The following PTK2B variants were observed in gnomAD, a reference collection of about 807,000 sequenced individuals.
PTK2B encodes the protein protein-tyrosine kinase 2-beta.
PTK2B carries 71 observed loss-of-function variants against 142.9 expected under a neutral mutation model. The observed-to-expected ratio is 0.50, with a 90% confidence interval of 0.41 to 0.61. PTK2B has a LOEUF of 0.61. Among genes scored for constraint, PTK2B ranks in the 20% least tolerant of loss-of-function variants. The probability of loss-of-function intolerance (pLI) is 0.00; values close to 1 mark genes in which losing one functional copy is unlikely to be tolerated. For synonymous variants in PTK2B, 519 were observed against 503.4 expected (o/e 1.03, Z -0.42); for missense variants, 1,105 against 1,320.4 (o/e 0.84, Z 2.53).
chr8:27,419,816 A>T, intron 2 of PTK2B, 79 bp from the exon 3 acceptor site: 1 of 1,485,106 alleles, frequency 6.7e-7, no homozygotes, highest in South Asian at 1.2e-5. Flanking sequence ...AGAGAATCCC[A>T]CTTTTCAGGT....
intron 1 of PTK2B, chr8:27,380,722 C>T (rs529185006): frequency 1.3e-5 from 2 of 152,328 alleles, no homozygotes; most frequent in Non-Finnish European, 2.9e-5. Flanking sequence ...TGCCGAGCTC[C>T]GCCCTGGGAG....
chr8:27,311,065 G>A (rs773189393), upstream of PTK2B: 46 of 1,596,680 alleles, frequency 2.9e-5, no homozygotes, highest in Non-Finnish European at 3.6e-5. Context: ...TGCACACTGG[G>A]CAGGTGGGCG....
chr8:27,334,743 C>T (rs983147439), intron 1 of PTK2B, among the ~76,000 whole-genome samples: 4 of 152,152 alleles, frequency 2.6e-5, no homozygotes, highest in South Asian at 4.1e-4. Flanking sequence ...CCTCATTCCC[C>T]GCAGTGGGTG....
Position 27,442,993 on chromosome 8 carries a change from G to A in PTK2B, c.2148+10G>A, listed in dbSNP as rs151091633. 4.0e-4 allele frequency: 637 copies of A among 1,603,462 alleles called. 3 individuals are homozygous for A. In the African/African-American group the frequency reaches 7.7e-3, roughly 19 times the overall value. ...GGAACCCCCACCCAAGGTAAGCCAA[G>A]CCATGGCCTCATAAGTCCTGTGAGT... On this transcript the variant is annotated intron_variant, in intron 22 of 30. Transcript: ENST00000346049.
Position 27,440,295 on chromosome 8 carries a change from C to G in PTK2B, c.1893C>G (p.Asn631Lys). 6.2e-7 allele frequency: 1 copy of G among 1,614,184 alleles called. No individual in the cohort carries two copies. Among genetic ancestry groups the G allele is most frequent in the Non-Finnish European group, 8.5e-7 (1 of 1,180,028 alleles). The change falls in exon 21 of 31, where the codon AAC (asparagine) becomes AAG (lysine). Residue 631 changes from asparagine (N) to lysine (K), a missense_variant. Asn to Lys is a moderately conservative substitution (Grantham distance 94, BLOSUM62 0). Transcript: ENST00000346049. Reference protein sequence around the residue: ...FGKQPFFWLENKDVIGVLEKG... With the variant: ...FGKQPFFWLEKKDVIGVLEKG... ...AGCAGCCCTTCTTCTGGCTGGAGAA[C>G]AAGGATGTCATCGGGGTGCTGGAGA... is the stretch of plus-strand genomic sequence containing the variant.
intron 1 of PTK2B, among the ~76,000 whole-genome samples, chr8:27,343,144 T>C (rs1035478505): frequency 6.6e-6 from 1 of 152,234 alleles, no homozygotes; most frequent in South Asian, 2.1e-4. Context: ...GCAACAAATA[T>C]GCGGGCTTTG....
intron 2 of PTK2B, among the ~76,000 whole-genome samples, chr8:27,412,891 G>A (rs1013426809): frequency 6.6e-6 from 1 of 152,172 alleles, no homozygotes; most frequent in African/African-American, 2.4e-5. Context: ...CTATGGGTAG[G>A]GGAGAAGGTG....
intron 24 of PTK2B, among the ~76,000 whole-genome samples, chr8:27,446,983 A>C (rs1280213846): frequency 6.6e-6 from 1 of 152,242 alleles, no homozygotes; most frequent in Non-Finnish European, 1.5e-5. Context: ...CTACATTTTT[A>C]GGCATGTGCT....
upstream of PTK2B, among the ~76,000 whole-genome samples, chr8:27,321,102 C>G (rs547499526): frequency 6.8e-6 from 1 of 147,084 alleles, no homozygotes; most frequent in East Asian, 2.0e-4. Flanking sequence ...TCAAGCAATC[C>G]TCTTGCATCA....
intron 2 of PTK2B, among the ~76,000 whole-genome samples, chr8:27,411,613 C>T (rs1563262891): frequency 6.6e-6 from 1 of 152,162 alleles, no homozygotes; most frequent in Non-Finnish European, 1.5e-5. Context: ...ATTGGAAGTA[C>T]ATGTCAAAAT....
chr8:27,391,176 A>G (rs1184351470), intron 1 of PTK2B, among the ~76,000 whole-genome samples: 1 of 151,692 alleles, frequency 6.6e-6, no homozygotes, highest in Admixed American at 6.6e-5. Context: ...GGCTCACTGC[A>G]AGCTCCGTCT....
At chr8:27,437,654 G>A (rs894114863) in intron 17 of PTK2B, 111 bp from the exon 18 acceptor site, 4 of 1,275,676 alleles carry the variant, frequency 3.1e-6, no homozygotes, top group African/African-American at 1.5e-5. Flanking sequence ...CCAGCTTTGG[G>A]TTTGTCTCCC....
At position 27,420,036 on chromosome 8, in the gene PTK2B, G is replaced by T. The variant is rs200325494; in HGVS notation, c.346G>T (p.Asp116Tyr). The change falls in exon 3 of 31, where the codon GAC (aspartate) becomes TAC (tyrosine). Residue 116 changes from aspartate to tyrosine, a missense_variant. Asp to Tyr is a radical substitution (Grantham distance 160). Transcript: ENST00000346049. Reference protein sequence around the residue: ...HPQMTVGEVQDKYECLHVEAE... With the variant: ...HPQMTVGEVQYKYECLHVEAE... ...ACAGATGACGGTGGGTGAGGTGCAG[G>T]ACAAGTATGAGTGTCTGCACGTGGA... The T allele has an allele frequency of 8.5e-5, 137 of 1,614,196 alleles. No individual in the cohort carries two copies. The East Asian group carries it at 2.7e-3, about 31-fold the overall frequency.
At chr8:27,432,680 C>T (rs148470544) in intron 10 of PTK2B, among the ~76,000 whole-genome samples, 126 of 152,204 alleles carry the variant, frequency 8.3e-4, no homozygotes, top group African/African-American at 2.3e-3. Context: ...AACAAGGATG[C>T]GGACATCAAG....
chr8:27,454,403 G>T, intron 29 of PTK2B, 112 bp downstream of exon 29: 7 of 1,555,478 alleles, frequency 4.5e-6, no homozygotes, highest in Non-Finnish European at 6.1e-6. Context: ...AGCAAGCTGG[G>T]CCAGGGGAAT....
At chr8:27,400,812 C>T (rs980210545) in intron 2 of PTK2B, among the ~76,000 whole-genome samples, 1 of 152,062 alleles carries the variant, frequency 6.6e-6, no homozygotes, top group African/African-American at 2.4e-5. Flanking sequence ...GTCTGGAGCT[C>T]AGGAGGGAGA....
At chr8:27,351,590 C>CA (rs1394528266) in intron 1 of PTK2B, among the ~76,000 whole-genome samples, 3 of 151,350 alleles carry the variant, frequency 2.0e-5, no homozygotes, top group Admixed American at 1.3e-4. Context: ...TATCCTTTAC[C>CA]AAAAAAAATA....
Position 27,434,109 on chromosome 8 carries a change from C to T in PTK2B, c.1122C>T (p.Asn374=), listed in dbSNP as rs900060987. 5.0e-6 allele frequency: 8 copies of T among 1,614,142 alleles called. No individual in the cohort carries two copies. The highest frequency in any genetic ancestry group is 5.9e-6 in the Non-Finnish European group (7 of 1,179,990). ...IHPRKDGEKR[N]SLPQIPMLNL... is the part of the protein sequence containing the mutation. The stretch of plus-strand genomic sequence containing the variant: ...TCTTCCTAGATGGTGAGAAGCGGAA[C>T]AGCCTGCCCCAGATCCCCATGCTGT... The change falls in exon 12 of 31, where the codon AAC becomes AAT. Residue 374 remains asparagine (N), a synonymous_variant. Coordinates refer to ENST00000346049, the MANE Select transcript of PTK2B (RefSeq NM_173176.3).
chr8:27,311,690 T>C (rs181600343), exon 1 of PTK2B: 123 of 178,182 alleles, frequency 6.9e-4, no homozygotes, highest in African/African-American at 2.4e-3. Context: ...TCCGAAGTAG[T>C]GGCTGGGTCT....
Sources: allele counts gnomAD v4.1 joint callset (sites outside exome capture counted in the v4.1 genomes callset), GRCh38; gene constraint gnomAD v4.1.1; transcripts MANE v1.5; gene names NCBI Gene and HGNC (gene_info 2026-07-23, HGNC 2026-07-21).